MAML1: variants seen among roughly 807,000 people sequenced by gnomAD.
MAML1 encodes the protein mastermind like transcriptional coactivator 1.
Under a neutral mutation model 77.1 loss-of-function variants are expected in MAML1, and 14 were observed. That is an observed-to-expected ratio of 0.18 (90% CI 0.12 to 0.28). The LOEUF is 0.28. MAML1 is among the 10% of genes least tolerant of loss of function. The pLI, the probability that MAML1 is intolerant of heterozygous loss-of-function variation, is 1.00. For synonymous variants in MAML1, 516 were observed against 551.9 expected, an observed-to-expected ratio of 0.93 and a Z score of 0.91; for missense variants, 1,217 against 1,327.8, an observed-to-expected ratio of 0.92 and a Z score of 1.30.
intron 1 of MAML1, among the ~76,000 whole-genome samples, chr5:179,749,367 C>G (rs895267255): frequency 6.6e-6 from 1 of 152,158 alleles, no homozygotes; most frequent in African/African-American, 2.4e-5. Flanking sequence ...CTCAAGTGAT[C>G]CGCTTGCCTC....
chr5:179,745,488 G>A (rs893727488), intron 1 of MAML1, among the ~76,000 whole-genome samples: 4 of 151,652 alleles, frequency 2.6e-5, no homozygotes, highest in African/African-American at 9.7e-5. Context: ...GGCAGAGGCG[G>A]GCGGATCACC....
At chr5:179,752,250 C>T (rs528540883) in intron 1 of MAML1, among the ~76,000 whole-genome samples, 295 of 138,414 alleles carry the variant, frequency 2.1e-3, no homozygotes, top group African/African-American at 7.4e-3. Flanking sequence ...CGCTTGAACG[C>T]GGGAGGTGGA....
Position 179,765,566 on chromosome 5 carries a change from C to A in MAML1, c.556C>A (p.Leu186Ile), listed in dbSNP as rs764968262. The part of the protein sequence containing the change: ...SGKHSLGLDS[L>I]NKKRLADSSL... ...GAAGCACTCTCTGGGGCTAGACTCT[C>A]TCAACAAAAAGCGTCTGGCTGACTC... The change falls in exon 2 of 5, where the codon CTC (leucine) becomes ATC (isoleucine). Residue 186 changes from leucine (L) to isoleucine (I), a missense_variant. Around this residue, in one of 3 missense-constraint regions of MAML1, gnomAD observed 312 missense variants for 331.4 expected, o/e 0.94. Transcript: ENST00000292599. 6.2e-7 allele frequency: 1 copy of A among 1,614,040 alleles called. No individual in the cohort carries two copies. Among genetic ancestry groups the A allele is most frequent in the Non-Finnish European group, 8.5e-7 (1 of 1,179,968 alleles).
chr5:179,734,023 A>G (rs188167356), intron 1 of MAML1, among the ~76,000 whole-genome samples: 88 of 152,314 alleles, frequency 5.8e-4, no homozygotes, highest in East Asian at 2.9e-3. Context: ...GATTCCTGCA[A>G]TATTGTTGAC....
Position 179,765,457 on chromosome 5 carries a change from C to T in MAML1, c.447C>T (p.Ala149=). The T allele has an allele frequency of 6.2e-7, 1 of 1,614,150 alleles. No homozygotes were observed. Among genetic ancestry groups the T allele is most frequent in the Non-Finnish European group, 8.5e-7 (1 of 1,180,022 alleles). ...KTRREAPLGV[A]ISSNGLPPAS... is the part of the protein sequence containing the mutation. ...GCCGGGAGGCCCCTCTGGGAGTTGC[C>T]ATCTCTTCCAATGGACTGCCTCCAG... Residue 149 remains alanine, a synonymous_variant, in exon 2 of 5, where the codon GCC becomes GCT. Coordinates refer to ENST00000292599, the MANE Select transcript of MAML1 (RefSeq NM_014757.5).
chr5:179,746,383 G>GT (rs949359882), intron 1 of MAML1, among the ~76,000 whole-genome samples: 10 of 151,768 alleles, frequency 6.6e-5, no homozygotes, highest in East Asian at 1.9e-4. Context: ...GCAATGTTTT[G>GT]TTTTTTTTGA....
chr5:179,754,896 C>T (rs1008980721), intron 1 of MAML1, among the ~76,000 whole-genome samples: 2 of 152,170 alleles, frequency 1.3e-5, no homozygotes, highest in Non-Finnish European at 2.9e-5. Flanking sequence ...GACAGAAAGT[C>T]TCAGATGAGG....
intron 1 of MAML1, among the ~76,000 whole-genome samples, chr5:179,762,616 C>T (rs936757578): frequency 4.6e-5 from 7 of 152,204 alleles, no homozygotes; most frequent in Non-Finnish European, 7.3e-5. Flanking sequence ...GGAGCAGGCT[C>T]CTGTATTTAT....
At chr5:179,764,053 G>C (rs7704520) in intron 1 of MAML1, among the ~76,000 whole-genome samples, 2 of 151,820 alleles carry the variant, frequency 1.3e-5, no homozygotes, top group Non-Finnish European at 2.9e-5. Flanking sequence ...AGCAGTAGAA[G>C]GAGTCCGTCT....
At position 179,732,869 on chromosome 5, in the gene MAML1, G is replaced by A. The variant is rs529692246; in HGVS notation, c.-244G>A. 1.0e-3 allele frequency: 253 copies of A among 254,182 alleles called. 1 individual carries two copies. Among genetic ancestry groups the A allele is most frequent in the African/African-American group, 5.4e-3 (237 of 44,286 alleles). The allele number at this position is 254,182 out of a possible 1,614,324, so 15.7% of individuals were successfully genotyped here. On this transcript the variant is annotated 5_prime_UTR_variant, in exon 1 of 5. Coordinates refer to ENST00000292599, the MANE Select transcript of MAML1 (RefSeq NM_014757.5). ...AGATGGCGGCCGCGGCGGTAGCGCG[G>A]AAAACAATGGGGCCGGGGCGGTGGG...
chr5:179,733,183 G>C lies in MAML1; in HGVS notation c.71G>C (p.Arg24Pro). The part of the protein sequence containing the change: ...PRHSAVMERL[R>P]RRIELCRRHH... ...CACAGCGCGGTCATGGAGCGCCTTC[G>C]CCGGCGCATCGAGCTGTGCCGGCGC... The change falls in exon 1 of 5, where the codon CGC (arginine) becomes CCC (proline). Residue 24 changes from arginine to proline, a missense_variant. Physicochemically the swap from Arg to Pro is moderately radical, Grantham distance 103. Coordinates refer to ENST00000292599, the MANE Select transcript of MAML1 (RefSeq NM_014757.5). 6.8e-7 allele frequency: 1 copy of C among 1,472,286 alleles called. No homozygotes were observed. Among genetic ancestry groups the C allele is most frequent in the Non-Finnish European group, 9.0e-7 (1 of 1,115,048 alleles). The allele number at this position is 1,472,286 out of a possible 1,614,324, so 91.2% of individuals were successfully genotyped here.
At position 179,765,431 on chromosome 5, in the gene MAML1, C is replaced by G. The variant is rs985779841; in HGVS notation, c.421C>G (p.Arg141Gly). Reference protein sequence around the residue: ...GDLFPGHKKTRREAPLGVAIS... With the variant: ...GDLFPGHKKTGREAPLGVAIS... ...CCTCTTTCCTGGGCATAAGAAGACT[C>G]GCCGGGAGGCCCCTCTGGGAGTTGC... The change falls in exon 2 of 5, where the codon CGC becomes GGC. Residue 141 changes from arginine (R) to glycine (G), a missense_variant. Transcript: ENST00000292599. 6.2e-7 allele frequency: 1 copy of G among 1,614,090 alleles called. No homozygotes were observed. The highest frequency in any genetic ancestry group is 1.3e-5 in the African/African-American group (1 of 74,936).
chr5:179,760,012 G>T (rs1300268007), intron 1 of MAML1, among the ~76,000 whole-genome samples: 1 of 152,188 alleles, frequency 6.6e-6, no homozygotes, highest in African/African-American at 2.4e-5. Context: ...GCGGCTGGTA[G>T]TGACAGTCTT....
Position 179,769,240 on chromosome 5 carries a change from C to A in MAML1, c.1971+151C>A. On this transcript the variant is annotated intron_variant, in intron 3 of 4. Coordinates refer to ENST00000292599, the MANE Select transcript of MAML1 (RefSeq NM_014757.5). This position sits in a 1 kb window ranked among gnomAD's most constrained non-coding sequence, Gnocchi z 4.2. ...GCTTTGCCTTTTAAAAACATCTTTCCAGGAATGTGGCATTTCTCAGACAGG... is the reference window on the plus strand; with the variant it reads ...GCTTTGCCTTTTAAAAACATCTTTCAAGGAATGTGGCATTTCTCAGACAGG... 8.5e-7 allele frequency: 1 copy of A among 1,172,432 alleles called. No homozygotes were observed. Among genetic ancestry groups the A allele is most frequent in the Non-Finnish European group, 1.2e-6 (1 of 837,660 alleles). The allele number at this position is 1,172,432 out of a possible 1,614,324, so 72.6% of individuals were successfully genotyped here. A position where few individuals can be genotyped will look rare whatever the true frequency, so the allele number is the denominator to read the frequency against.
chr5:179,744,176 TA>T (rs1027242180), intron 1 of MAML1, among the ~76,000 whole-genome samples: 1 of 152,198 alleles, frequency 6.6e-6, no homozygotes. Context: ...AAAAGAGGTA[TA>T]AAAAATTAAA....
intron 1 of MAML1, 71 bp from the exon 2 acceptor site, chr5:179,765,255 C>T (rs1779795117): frequency 1.5e-6 from 2 of 1,331,394 alleles, no homozygotes; most frequent in Admixed American, 4.3e-5. Flanking sequence ...GGACATCAGC[C>T]CTTGGCTTGT....
intron 1 of MAML1, among the ~76,000 whole-genome samples, chr5:179,741,004 C>T (rs1779274054): frequency 6.6e-6 from 1 of 152,194 alleles, no homozygotes; most frequent in African/African-American, 2.4e-5. Flanking sequence ...ATCTGTCTTC[C>T]AGATTTCAAA....
intron 1 of MAML1, among the ~76,000 whole-genome samples, chr5:179,741,683 CAAAAAA>C (rs10617185): frequency 1.1e-4 from 10 of 89,282 alleles, no homozygotes; most frequent in African/African-American, 3.4e-4. Flanking sequence ...GAGACTGTCT[CAAAAAA>C]AAAAAAAAAA....
At chr5:179,743,895 G>A (rs1779330580) in intron 1 of MAML1, among the ~76,000 whole-genome samples, 3 of 151,586 alleles carry the variant, frequency 2.0e-5, no homozygotes, top group Admixed American at 6.6e-5. Context: ...ATAGTTGCAG[G>A]GTATATAACT....
Sources: allele counts gnomAD v4.1 joint callset (sites outside exome capture counted in the v4.1 genomes callset), GRCh38; gene constraint gnomAD v4.1.1; regional missense constraint gnomAD v4.1.1; non-coding constraint Gnocchi (gnomAD v3.1); transcripts MANE v1.5; gene names NCBI Gene and HGNC (gene_info 2026-07-23, HGNC 2026-07-21).